Variants in EEF1E1 observed in about 807,000 individuals in gnomAD.
The protein encoded by EEF1E1 is eukaryotic translation elongation factor 1 epsilon-1.
Under a neutral mutation model 19.9 loss-of-function variants are expected in EEF1E1, and 19 were observed. That is an observed-to-expected ratio of 0.95 (90% CI 0.66 to 1.40). EEF1E1 has a LOEUF of 1.40. Among genes scored for constraint, EEF1E1 ranks in the 40% most tolerant of loss-of-function variants. The probability of loss-of-function intolerance (pLI) is 0.00; values close to 1 mark genes in which losing one functional copy is unlikely to be tolerated. For synonymous variants in EEF1E1, 81 were observed against 80.0 expected, an observed-to-expected ratio of 1.01 and a Z score of -0.07; for missense variants, 198 against 202.2, an observed-to-expected ratio of 0.98 and a Z score of 0.13.
chr6:8,079,459 T>C lies in EEF1E1; in HGVS notation c.*431A>G. The C allele has an allele frequency of 2.0e-6, 2 of 989,596 alleles. No individual in the cohort carries two copies. The highest frequency in any genetic ancestry group is 2.4e-6 in the Non-Finnish European group (2 of 832,042). The allele number at this position is 989,596 out of a possible 1,614,324, so 61.3% of individuals were successfully genotyped here. A position where few individuals can be genotyped will look rare whatever the true frequency, so the allele number is the denominator to read the frequency against. On this transcript the variant is annotated 3_prime_UTR_variant, in exon 4 of 4. Transcript: ENST00000379715. Reference sequence around the variant, plus strand: ...TAAAACAAATCCATCTGTCTTCCCTTTTGGCTTCCTTGGCACAATTTATCA... The same window carrying C: ...TAAAACAAATCCATCTGTCTTCCCTCTTGGCTTCCTTGGCACAATTTATCA...
Position 8,102,321 on chromosome 6 carries a change from G to A in EEF1E1, c.87+114C>T, listed in dbSNP as rs553471407. ...TAGCGGCGCAGACACGTGGGGAGCTGGGTAGCAGCATCCTCACTCCGCCCG... is the reference window on the plus strand; with the variant it reads ...TAGCGGCGCAGACACGTGGGGAGCTAGGTAGCAGCATCCTCACTCCGCCCG... On this transcript the variant is annotated intron_variant, in intron 1 of 3. Transcript: ENST00000379715. 70 of 1,118,428 alleles carry A rather than the reference G, an allele frequency of 6.3e-5. No individual in the cohort carries two copies. The Middle Eastern group carries it at 9.1e-4, about 14-fold the overall frequency. 69.3% of individuals were successfully genotyped at this position (1,118,428 alleles called of 1,614,324 possible). A position where few individuals can be genotyped will look rare whatever the true frequency, so the allele number is the denominator to read the frequency against.
Position 8,084,606 on chromosome 6 carries a change from C to T in EEF1E1, c.385-4576G>A, listed in dbSNP as rs562816228. Among the ~76,000 whole-genome samples the T allele has an allele frequency of 7.9e-4, 120 of 152,310 alleles. 1 individual carries two copies. In the Middle Eastern group the frequency reaches 0.01, roughly 13 times the overall value. ...GCAAGCAAGATCTTGTGGGTCTGAACAGACGTTCACTAGCCTGCTGGCTGT... is the reference window on the plus strand; with the variant it reads ...GCAAGCAAGATCTTGTGGGTCTGAATAGACGTTCACTAGCCTGCTGGCTGT... On this transcript the variant is annotated intron_variant, in intron 3 of 3. Transcript: ENST00000379715.
chr6:8,083,724 T>C (rs1253349949), intron 3 of EEF1E1, among the ~76,000 whole-genome samples: 2 of 152,252 alleles, frequency 1.3e-5, no homozygotes. Context: ...CTGTGCTGAT[T>C]ACATATTCCG....
chr6:8,101,864 C>G (rs1163364541), intron 1 of EEF1E1: 2 of 1,279,098 alleles, frequency 1.6e-6, no homozygotes, highest in East Asian at 1.1e-4. Context: ...TGGGCCAAGA[C>G]TCCTTAGGTG....
intron 2 of EEF1E1, among the ~76,000 whole-genome samples, chr6:8,091,312 T>C (rs1758005540): frequency 6.6e-6 from 1 of 152,222 alleles, no homozygotes; most frequent in African/African-American, 2.4e-5. Context: ...TTCATATGCT[T>C]GCTGGCCACT....
At chr6:8,083,073 G>T (rs1208880731) in intron 3 of EEF1E1, among the ~76,000 whole-genome samples, 1 of 152,296 alleles carries the variant, frequency 6.6e-6, no homozygotes, top group South Asian at 2.1e-4. Context: ...CTATAGTGGT[G>T]CTTGGCTCTT....
At chr6:8,086,343 C>A (rs567550225) in intron 3 of EEF1E1, among the ~76,000 whole-genome samples, 3 of 152,310 alleles carry the variant, frequency 2.0e-5, no homozygotes, top group African/African-American at 7.2e-5. Context: ...TCAACCTCAA[C>A]TGAAAACCCA....
intron 1 of EEF1E1, among the ~76,000 whole-genome samples, chr6:8,099,216 G>C (rs1374204896): frequency 6.6e-6 from 1 of 152,150 alleles, no homozygotes; most frequent in Non-Finnish European, 1.5e-5. Context: ...ATGATATTCT[G>C]GTCAACGATG....
chr6:8,095,899 A>G (rs1302384965), intron 2 of EEF1E1, among the ~76,000 whole-genome samples: 6 of 152,340 alleles, frequency 3.9e-5, no homozygotes, highest in Admixed American at 2.0e-4. Context: ...TCTGAGTTCT[A>G]TAAGGGCAGA....
intron 1 of EEF1E1, among the ~76,000 whole-genome samples, chr6:8,101,070 A>G (rs1758336275): frequency 6.7e-6 from 1 of 149,394 alleles, no homozygotes; most frequent in African/African-American, 2.5e-5. Flanking sequence ...TACTAAAAAT[A>G]CAAAAATTAG....
downstream of EEF1E1, among the ~76,000 whole-genome samples, chr6:8,079,089 C>A (rs913157366): frequency 2.0e-5 from 3 of 152,118 alleles, no homozygotes; most frequent in Admixed American, 6.5e-5. Context: ...TGCCTCTGTT[C>A]TTCACACAGC....
chr6:8,077,767 T>C (rs1250384874), downstream of EEF1E1, among the ~76,000 whole-genome samples: 1 of 152,216 alleles, frequency 6.6e-6, no homozygotes, highest in Non-Finnish European at 1.5e-5. Context: ...TCCTATCATC[T>C]GTGTGTTCAC....
intron 3 of EEF1E1, among the ~76,000 whole-genome samples, chr6:8,088,515 A>C (rs1044650079): frequency 6.6e-6 from 1 of 152,126 alleles, no homozygotes; most frequent in African/African-American, 2.4e-5. Flanking sequence ...TGGTTTTATA[A>C]GTGGGAGTTC....
In EEF1E1 at chr6:8,099,784, ACACAC is replaced by A. The variant is rs1421827547; in HGVS notation, c.88-2322_88-2318del. ...CACACACACACACACACACACACAC[ACACAC>A]ACAAAAAAAAAACAGAACCCTCTAT... On this transcript the variant is annotated intron_variant, in intron 1 of 3. Transcript: ENST00000379715. Among the ~76,000 whole-genome samples the A allele has an allele frequency of 1.7e-3, 214 of 123,368 alleles. 9 individuals are homozygous for A. Among genetic ancestry groups the A allele is most frequent in the African/African-American group, 6.9e-3 (194 of 27,988 alleles). 80.9% of individuals were successfully genotyped at this position (123,368 alleles called of 152,430 possible). A position where few individuals can be genotyped will look rare whatever the true frequency, so the allele number is the denominator to read the frequency against.
downstream of EEF1E1, among the ~76,000 whole-genome samples, chr6:8,076,854 T>C (rs1341264768): frequency 6.6e-6 from 1 of 152,154 alleles, no homozygotes; most frequent in Admixed American, 6.6e-5. Flanking sequence ...TAAACCATAC[T>C]GTAAACAGAT....
chr6:8,084,516 T>A (rs1757797304), intron 3 of EEF1E1, among the ~76,000 whole-genome samples: 1 of 152,224 alleles, frequency 6.6e-6, no homozygotes, highest in Admixed American at 6.5e-5. Flanking sequence ...CACTTCAGTA[T>A]CATCTTTTTT....
Position 8,080,232 on chromosome 6 carries a change from T to C in EEF1E1, c.385-202A>G, listed in dbSNP as rs139546937. ...TAAAGGTTCTTCGTGTTCAATGTTATGTTCAGTACAAAACCTGATGTCCTT... is the reference window on the plus strand; with the variant it reads ...TAAAGGTTCTTCGTGTTCAATGTTACGTTCAGTACAAAACCTGATGTCCTT... On this transcript the variant is annotated intron_variant, in intron 3 of 3. Coordinates refer to ENST00000379715, the MANE Select transcript of EEF1E1 (RefSeq NM_004280.5). 2.2e-3 allele frequency among the ~76,000 whole-genome samples: 336 copies of C among 152,324 alleles called. 2 individuals are homozygous for C. The highest frequency in any genetic ancestry group is 3.8e-3 in the Admixed American group (58 of 15,300).
At chr6:8,082,013 G>A (rs965534702) in intron 3 of EEF1E1, among the ~76,000 whole-genome samples, 2 of 152,090 alleles carry the variant, frequency 1.3e-5, no homozygotes, top group African/African-American at 4.8e-5. Flanking sequence ...TTTTAAACTA[G>A]GTAAAAAGGG....
rs564965356 is a variant in EEF1E1, at chr6:8,095,372, G to A, written c.288+1895C>T. ...AAAAAAACGAGCCATGCGTGGTGGTGCACACCTGTAATCCCATTTACTCGG... is the reference window on the plus strand; with the variant it reads ...AAAAAAACGAGCCATGCGTGGTGGTACACACCTGTAATCCCATTTACTCGG... On this transcript the variant is annotated intron_variant, in intron 2 of 3. Transcript: ENST00000379715. The A allele has an allele frequency of 1.1e-3, 477 of 424,868 alleles. 1 individual carries two copies. The highest frequency in any genetic ancestry group is 1.9e-3 in the Admixed American group (73 of 39,018). 26.3% of individuals were successfully genotyped at this position (424,868 alleles called of 1,614,324 possible). A position where few individuals can be genotyped will look rare whatever the true frequency, so the allele number is the denominator to read the frequency against.
Sources: allele counts gnomAD v4.1 joint callset (sites outside exome capture counted in the v4.1 genomes callset), GRCh38; gene constraint gnomAD v4.1.1; transcripts MANE v1.5; gene names NCBI Gene and HGNC (gene_info 2026-07-23, HGNC 2026-07-21).